MROH7: variants seen among roughly 807,000 people sequenced by gnomAD.
MROH7 encodes the protein maestro heat like repeat family member 7.
A neutral mutation model predicts 129.2 loss-of-function variants in MROH7; 113 were observed. The observed-to-expected ratio is 0.87, with a 90% CI of 0.75 to 1.02. MROH7 has a LOEUF of 1.02. Among genes scored for constraint, MROH7 ranks in the 50% least tolerant of loss-of-function variants. The pLI is 0.00. For synonymous variants in MROH7, 655 were observed against 667.9 expected, an observed-to-expected ratio of 0.98 and a Z score of 0.30; for missense variants, 1,601 against 1,671.3, an observed-to-expected ratio of 0.96 and a Z score of 0.73.
intron 7 of MROH7, among the ~76,000 whole-genome samples, chr1:54,672,406 A>G (rs1050392979): frequency 3.3e-5 from 5 of 151,824 alleles, no homozygotes; most frequent in Non-Finnish European, 5.9e-5. Flanking sequence ...CAAAAAAGAG[A>G]GGGTCTTCTC....
chr1:54,697,653 C>T lies in MROH7; in HGVS notation c.2964+2163C>T, dbSNP rs1342343701. The T allele has an allele frequency of 4.3e-6, 3 of 703,118 alleles. No homozygotes were observed. The Admixed American group carries it at 6.0e-5, about 14-fold the overall frequency. 43.6% of individuals were successfully genotyped at this position (703,118 alleles called of 1,614,324 possible). On this transcript the variant is annotated intron_variant, in intron 17 of 23. Coordinates refer to ENST00000421030, the MANE Select transcript of MROH7 (RefSeq NM_001039464.4). ...AATGTTATTTCACTAATCTGCACAGCAACCCTGCGAAGAAGGAATTGTGAT... is the reference window on the plus strand; with the variant it reads ...AATGTTATTTCACTAATCTGCACAGTAACCCTGCGAAGAAGGAATTGTGAT...
chr1:54,701,910 G>A (rs959289793), intron 19 of MROH7, among the ~76,000 whole-genome samples, 180 bp from the exon 20 acceptor site: 8 of 152,134 alleles, frequency 5.3e-5, no homozygotes, highest in Non-Finnish European at 8.8e-5. Flanking sequence ...AGCAGAGGAG[G>A]AGAGGGAGGC....
intron 3 of MROH7, among the ~76,000 whole-genome samples, chr1:54,661,147 G>C (rs1354614254): frequency 6.6e-6 from 1 of 151,858 alleles, no homozygotes; most frequent in African/African-American, 2.4e-5. Flanking sequence ...TTAGATACAT[G>C]AATTTTGACT....
chr1:54,694,659 G>A (rs112812350), intron 16 of MROH7, among the ~76,000 whole-genome samples: 2,316 of 152,170 alleles, frequency 0.015, 52 homozygotes, highest in African/African-American at 0.054. Flanking sequence ...TAGTAGAGAC[G>A]GGGTTTTACC....
chr1:54,671,003 C>G, intron 7 of MROH7, 74 bp downstream of exon 7: 2 of 1,482,296 alleles, frequency 1.3e-6, no homozygotes, highest in Non-Finnish European at 1.8e-6. Context: ...CTGCATCCTC[C>G]GGCTCATTGG....
chr1:54,686,899 C>T (rs1332958607), intron 15 of MROH7, among the ~76,000 whole-genome samples: 2 of 152,134 alleles, frequency 1.3e-5, no homozygotes, highest in Non-Finnish European at 2.9e-5. Flanking sequence ...GTTCTTCATG[C>T]CCTCCCAGAG....
chr1:54,682,546 TG>T, intron 13 of MROH7, 109 bp from the exon 14 acceptor site: 1 of 1,044,686 alleles, frequency 9.6e-7, no homozygotes, highest in Non-Finnish European at 1.4e-6. Context: ...GGTGTGCCCA[TG>T]GATGCCATTT....
At chr1:54,695,616 C>G in intron 17 of MROH7, 126 bp downstream of exon 17, 1 of 726,264 alleles carries the variant, frequency 1.4e-6, no homozygotes, top group Admixed American at 2.0e-5. Flanking sequence ...CATGACTTCT[C>G]TTGACTATGA....
chr1:54,656,561 G>A (rs1234217143), intron 3 of MROH7, among the ~76,000 whole-genome samples: 3 of 146,438 alleles, frequency 2.0e-5, no homozygotes, highest in Non-Finnish European at 4.5e-5. Context: ...GGTGGCTCAT[G>A]CCTGTAGTCC....
Position 54,686,404 on chromosome 1 carries a change from G to A in MROH7, c.2667G>A (p.Lys889=). ...TGCCTGGCTGCGTGGCTCCTCCCAA[G>A]GACACCAAGAAGGGTGCACAGCCCT... ...LNLPGCVAPP[K]DTKKGAQPSP... is the part of the protein sequence containing the mutation. The change falls in exon 15 of 24, where the codon AAG becomes AAA. Residue 889 remains lysine (K), a synonymous_variant. Coordinates refer to ENST00000421030, the MANE Select transcript of MROH7 (RefSeq NM_001039464.4). The A allele has an allele frequency of 1.2e-6, 2 of 1,614,116 alleles. No homozygotes were observed. The highest frequency in any genetic ancestry group is 1.7e-6 in the Non-Finnish European group (2 of 1,180,018).
chr1:54,651,938 TCTC>T lies in MROH7; in HGVS notation c.-109-6_-109-4del, dbSNP rs1357013469. On this transcript the variant is annotated splice_polypyrimidine_tract_variant and splice_region_variant and intron_variant, in intron 1 of 23. Coordinates refer to ENST00000421030, the MANE Select transcript of MROH7 (RefSeq NM_001039464.4). Reference sequence around the variant, plus strand: ...TTCCCTGACTTGATTTCTTTCTGCATCTCCTCCCAGGGGCCCGCTCCTGCTTAA... The same window carrying T: ...TTCCCTGACTTGATTTCTTTCTGCATCTCCCAGGGGCCCGCTCCTGCTTAA... 6.6e-6 allele frequency: 1 copy of T among 152,426 alleles called. No individual in the cohort carries two copies. Among genetic ancestry groups the T allele is most frequent in the Non-Finnish European group, 1.5e-5 (1 of 68,082 alleles). The allele number at this position is 152,426 out of a possible 1,614,324, so 9.4% of individuals were successfully genotyped here. A position where few individuals can be genotyped will look rare whatever the true frequency, so the allele number is the denominator to read the frequency against.
intron 18 of MROH7, among the ~76,000 whole-genome samples, chr1:54,700,728 T>C (rs1645422092): frequency 2.0e-5 from 3 of 152,238 alleles, no homozygotes; most frequent in Admixed American, 2.0e-4. Flanking sequence ...GTATTCCTAT[T>C]TTACAGATAA....
rs904774966 is a variant in MROH7 at position 54,678,805 on chromosome 1, G to T, written c.2000G>T (p.Gly667Val). The stretch of plus-strand genomic sequence containing the variant: ...TATGAGAGCAACAAGCATTTCCTGG[G>T]GCCCTACAACCCTGTGAGCCCGTGC... ...ELYESNKHFL[G>V]PYNPVSPCQN... is the part of the protein sequence containing the mutation. Residue 667 changes from glycine to valine, a missense_variant, in exon 11 of 24, where the codon GGG (glycine) becomes GTG (valine). Gly to Val is a moderately radical substitution (Grantham distance 109). Coordinates refer to ENST00000421030, the MANE Select transcript of MROH7 (RefSeq NM_001039464.4). The T allele has an allele frequency of 6.2e-7, 1 of 1,614,000 alleles. No homozygotes were observed. Among genetic ancestry groups the T allele is most frequent in the African/African-American group, 1.3e-5 (1 of 74,906 alleles).
intron 22 of MROH7, among the ~76,000 whole-genome samples, chr1:54,706,947 C>T (rs578075942): frequency 1.3e-5 from 2 of 152,308 alleles, no homozygotes; most frequent in East Asian, 3.9e-4. Context: ...GTCACCCTAA[C>T]TGGATTATTT....
rs776537724 is a variant in MROH7, at chr1:54,653,001, G to A, written c.75G>A (p.Gly25=). Residue 25 remains glycine, a synonymous_variant, in exon 3 of 24, where the codon GGG becomes GGA. Coordinates refer to ENST00000421030, the MANE Select transcript of MROH7 (RefSeq NM_001039464.4). ...TGACACCAAGTCCCCCCTCCTGTGG[G>A]GCCCCGGGATTAGGGTCTGGTACCA... ...PKMTPSPPSC[G]APGLGSGTIP... is the part of the protein sequence containing the mutation. The A allele has an allele frequency of 6.2e-7, 1 of 1,613,984 alleles. No homozygotes were observed.
intron 18 of MROH7, among the ~76,000 whole-genome samples, chr1:54,700,708 G>T (rs494109): frequency 0.15 from 22,198 of 152,250 alleles, 2,121 homozygotes; most frequent in Admixed American, 0.27. Context: ...AAGGGCAAAG[G>T]GTGGCACAAG....
intron 15 of MROH7, among the ~76,000 whole-genome samples, chr1:54,688,612 T>G (rs1462268975): frequency 6.6e-6 from 1 of 152,110 alleles, no homozygotes; most frequent in African/African-American, 2.4e-5. Context: ...TTGGTTTCCT[T>G]GCCTATGAAA....
chr1:54,690,083 T>C (rs1645209986), intron 15 of MROH7, among the ~76,000 whole-genome samples: 1 of 152,218 alleles, frequency 6.6e-6, no homozygotes, highest in African/African-American at 2.4e-5. Flanking sequence ...AAGGTGTCCC[T>C]TGCTCTACTT....
chr1:54,708,973 G>T (rs759974080), intron 22 of MROH7, 41 bp from the exon 23 acceptor site: 9 of 1,603,700 alleles, frequency 5.6e-6, no homozygotes, highest in Non-Finnish European at 6.8e-6. Flanking sequence ...TGGGGTCGAC[G>T]TCGGAAGACA....
Sources: gnomAD v4.1 joint callset for allele counts (sites outside exome capture counted in the v4.1 genomes callset) on GRCh38, gnomAD v4.1.1 for gene constraint, MANE v1.5 for transcripts, NCBI Gene and HGNC (gene_info 2026-07-23, HGNC 2026-07-21) for gene names.